Variants in PODN observed in about 807,000 individuals in gnomAD.
PODN encodes podocan proteoglycan.
In PODN, 40 loss-of-function variants were observed where a neutral mutation model predicts 52.7. That is an observed-to-expected ratio of 0.76 (90% confidence interval 0.59 to 0.99). PODN has a LOEUF of 0.99. PODN is among the 50% of genes least tolerant of loss of function. The pLI, the probability that PODN is intolerant of heterozygous loss-of-function variation, is 0.00. For missense variants in PODN, 720 were observed against 815.1 expected (o/e 0.88, Z 1.42); for synonymous variants, 396 against 377.9 (o/e 1.05, Z -0.56).
In PODN at chr1:53,070,203, G is replaced by C. The variant is rs1160435103; in HGVS notation, c.312+36G>C. The C allele has an allele frequency of 3.8e-6, 6 of 1,596,040 alleles. No homozygotes were observed. The African/African-American group carries it at 6.7e-5, about 18-fold the overall frequency. ...CGTTGCACCTGTGGTCACGGGGGCT[G>C]TCCCACACACCCTTGGTTCCCATCC... On this transcript the variant is annotated intron_variant, in intron 2 of 10. Coordinates refer to ENST00000312553, the MANE Select transcript of PODN (RefSeq NM_153703.5).
chr1:53,066,734 G>A lies in PODN; in HGVS notation c.-55-3067G>A. 3.6e-6 allele frequency: 5 copies of A among 1,372,474 alleles called. No homozygotes were observed. The South Asian group carries it at 4.0e-5, about 11-fold the overall frequency. 85.0% of individuals were successfully genotyped at this position (1,372,474 alleles called of 1,614,324 possible). On this transcript the variant is annotated intron_variant, in intron 1 of 10. Coordinates refer to ENST00000312553, the MANE Select transcript of PODN (RefSeq NM_153703.5). ...CTGACCCCATTGGGCTCAGCTCCCT[G>A]AGTTGTAAAGTGGTGATGATAACAT...
chr1:53,069,767 C>T (rs1056496125), intron 1 of PODN, 34 bp from the exon 2 acceptor site: 35 of 1,536,626 alleles, frequency 2.3e-5, no homozygotes, highest in African/African-American at 5.6e-5. Context: ...TCATGACTTT[C>T]GAGGGCCCCA....
rs747809259 is a variant in PODN, at chr1:53,081,999, G to T, written c.1680G>T (p.Val560=). The part of the protein sequence containing the change: ...GIFLRFNKLA[V]GSVVDSAFRR... Reference sequence around the variant, plus strand: ...CACACAGGTTTAACAAGCTGGCTGTGGGCTCCGTGGTGGACAGTGCCTTCC... The same window carrying T: ...CACACAGGTTTAACAAGCTGGCTGTTGGCTCCGTGGTGGACAGTGCCTTCC... The change falls in exon 10 of 11, where the codon GTG becomes GTT. Residue 560 remains valine (V), a synonymous_variant. Transcript: ENST00000312553. 1.9e-6 allele frequency: 3 copies of T among 1,604,306 alleles called. No homozygotes were observed. The South Asian group carries it at 3.3e-5, about 18-fold the overall frequency.
At chr1:53,077,109 A>G (rs2150302077) in intron 5 of PODN, 81 bp from the exon 6 acceptor site, 1 of 1,526,220 alleles carries the variant, frequency 6.6e-7, no homozygotes, top group Non-Finnish European at 8.9e-7. Context: ...CAGCCTGGGC[A>G]AGGGTTTAGA....
At chr1:53,067,480 C>T (rs1249739378) in intron 1 of PODN, among the ~76,000 whole-genome samples, 1 of 152,154 alleles carries the variant, frequency 6.6e-6, no homozygotes, top group African/African-American at 2.4e-5. Flanking sequence ...TAGGCCCTTA[C>T]TTCAGAGAAC....
At chr1:53,070,482 G>A (rs1644101587) in intron 2 of PODN, among the ~76,000 whole-genome samples, 1 of 152,258 alleles carries the variant, frequency 6.6e-6, no homozygotes. Flanking sequence ...CTGCCCAGCA[G>A]CTGACCCTCT....
In PODN at chr1:53,082,034, A is replaced by T. The variant is rs137864307; in HGVS notation, c.1715A>T (p.Lys572Met). The T allele has an allele frequency of 1.8e-5, 29 of 1,613,524 alleles. No homozygotes were observed. The highest frequency in any genetic ancestry group is 3.3e-5 in the Admixed American group (2 of 59,962). ...GTGGACAGTGCCTTCCGGAGGCTGA[A>T]GCACCTGCAGGTCTTGGACATTGAA... ...SVVDSAFRRL[K>M]HLQVLDIEGN... The change falls in exon 10 of 11, where the codon AAG becomes ATG. Residue 572 changes from lysine to methionine, a missense_variant. Lys to Met is a moderately conservative substitution (Grantham distance 95). Transcript: ENST00000312553.
intron 10 of PODN, among the ~76,000 whole-genome samples, chr1:53,084,150 G>A (rs1557660643): frequency 6.6e-6 from 1 of 151,716 alleles, no homozygotes; most frequent in Non-Finnish European, 1.5e-5. Context: ...GGTAGAGCTG[G>A]TTCTCTGAGG....
intron 9 of PODN, 45 bp downstream of exon 9, chr1:53,080,921 C>A: frequency 6.2e-7 from 1 of 1,604,656 alleles, no homozygotes; most frequent in Non-Finnish European, 8.5e-7. Context: ...GTGGGGCCCA[C>A]CCTGGCTCCA....
chr1:53,069,960 C>G lies in PODN; in HGVS notation c.105C>G (p.Gly35=), dbSNP rs1368233270. The G allele has an allele frequency of 3.1e-6, 5 of 1,601,684 alleles. No homozygotes were observed. The South Asian group carries it at 5.6e-5, about 18-fold the overall frequency. Reference sequence around the variant, plus strand: ...CCCCAGGATTTGGCCGAAGTGGCGGCCACAGCCTGAGCCCCGAAGAGAACG... The same window carrying G: ...CCCCAGGATTTGGCCGAAGTGGCGGGCACAGCCTGAGCCCCGAAGAGAACG... The part of the protein sequence containing the change: ...VRAPGFGRSG[G]HSLSPEENEF... Residue 35 remains glycine (G), a synonymous_variant, in exon 2 of 11, where the codon GGC becomes GGG. Coordinates refer to ENST00000312553, the MANE Select transcript of PODN (RefSeq NM_153703.5).
chr1:53,080,896 C>T lies in PODN; in HGVS notation c.1661+20C>T. On this transcript the variant is annotated intron_variant, in intron 9 of 10. Coordinates refer to ENST00000312553, the MANE Select transcript of PODN (RefSeq NM_153703.5). The stretch of plus-strand genomic sequence containing the variant: ...TCTCAGGTAGGAGCCCACTCGCGGC[C>T]CTGTACACACCCCCGTGGGGCCCAC... 1 of 1,612,610 alleles carries T rather than the reference C, an allele frequency of 6.2e-7. No homozygotes were observed. The highest frequency in any genetic ancestry group is 1.1e-5 in the South Asian group (1 of 91,008).
chr1:53,071,613 C>T lies in PODN; in HGVS notation c.391C>T (p.Arg131Cys), dbSNP rs370514127. 13 of 1,613,586 alleles carry T rather than the reference C, an allele frequency of 8.1e-6. No individual in the cohort carries two copies. The highest frequency in any genetic ancestry group is 4.5e-5 in the East Asian group (2 of 44,874). ...GGAGACGCTGAACCTGCAAAACAAC[C>T]GCCTGACTTCCCGAGGTGAGGGGCC... is the stretch of plus-strand genomic sequence containing the variant. The part of the protein sequence containing the change: ...RLETLNLQNN[R>C]LTSRGLPEKA... The change falls in exon 3 of 11, where the codon CGC (arginine) becomes TGC (cysteine). Residue 131 changes from arginine to cysteine, a missense_variant. Transcript: ENST00000312553.
In PODN at chr1:53,078,567, C is replaced by T. The variant is rs1644232765; in HGVS notation, c.1057C>T (p.Leu353=). The T allele has an allele frequency of 1.9e-6, 3 of 1,613,116 alleles. No individual in the cohort carries two copies. In the East Asian group the frequency reaches 6.7e-5, roughly 36 times the overall value. The stretch of plus-strand genomic sequence containing the variant: ...GCTGCGGGAGCAGGGCATCCACCCA[C>T]TGGCCTTCCAGGGCCTCAAGCGGTT... ...NQLREQGIHP[L]AFQGLKRLHT... is the part of the protein sequence containing the mutation. The change falls in exon 8 of 11, where the codon CTG becomes TTG. Residue 353 remains leucine (L), a synonymous_variant. Transcript: ENST00000312553.
chr1:53,071,544 CT>C lies in PODN; in HGVS notation c.323del (p.Leu108ArgfsTer18), dbSNP rs764085101. 7.6e-5 allele frequency: 122 copies of C among 1,613,446 alleles called. No homozygotes were observed. The highest frequency in any genetic ancestry group is 1.0e-4 in the Non-Finnish European group (120 of 1,179,808). ...TNHLSLQNNQ[L>X]EKIYPEELSR... ...CCCCCTACCCCCCTAGAACAACCAG[CT>C]GGAAAAGATCTACCCTGAGGAGCTC... On this transcript the variant is annotated frameshift_variant, in exon 3 of 11. Transcript: ENST00000312553. LOFTEE classifies it high-confidence loss of function.
chr1:53,077,465 C>T (rs533182956), intron 6 of PODN, 119 bp downstream of exon 6: 4 of 1,435,344 alleles, frequency 2.8e-6, no homozygotes, highest in Admixed American at 4.5e-5. Flanking sequence ...AAGTGGGGCC[C>T]CGGGGCTGAC....
intron 1 of PODN, chr1:53,063,620 G>A (rs1643992047): frequency 4.1e-6 from 4 of 974,512 alleles, no homozygotes; most frequent in Non-Finnish European, 4.9e-6. Flanking sequence ...ACTGCTCTGG[G>A]GGTTCTGCTC....
intron 1 of PODN, among the ~76,000 whole-genome samples, chr1:53,062,857 C>G (rs977370705): frequency 6.6e-6 from 1 of 152,260 alleles, no homozygotes; most frequent in Non-Finnish European, 1.5e-5. Flanking sequence ...CCCTCCGGGG[C>G]TCGGCTTCCC....
At chr1:53,077,637 GCCCTCGGCCCT>G in intron 6 of PODN, 37 bp from the exon 7 acceptor site, 1 of 1,537,718 alleles carries the variant, frequency 6.5e-7, no homozygotes, top group East Asian at 2.3e-5. Context: ...CCCTGACCTT[GCCCTCGGCCCT>G]CCCTCACAAT....
At chr1:53,066,886 T>A (rs76078850) in intron 1 of PODN, 2 of 1,545,728 alleles carry the variant, frequency 1.3e-6, no homozygotes, top group South Asian at 1.2e-5. Context: ...ACAGGATATG[T>A]GAGACCAGAG....
Sources: allele counts gnomAD v4.1 joint callset (sites outside exome capture counted in the v4.1 genomes callset), GRCh38; gene constraint gnomAD v4.1.1; transcripts MANE v1.5; gene names NCBI Gene and HGNC (gene_info 2026-07-23, HGNC 2026-07-21).